SLC1A6: variants seen among roughly 807,000 people sequenced by gnomAD.
SLC1A6 encodes the protein excitatory amino acid transporter 4.
A neutral mutation model predicts 42.1 loss-of-function variants in SLC1A6; 15 were observed. That is an observed-to-expected ratio of 0.36 (90% confidence interval 0.24 to 0.55). The LOEUF (loss-of-function observed/expected upper bound fraction) is 0.55. Among genes scored for constraint, SLC1A6 ranks in the 20% least tolerant of loss-of-function variants. The pLI, the probability that SLC1A6 is intolerant of heterozygous loss-of-function variation, is 0.88. For missense variants in SLC1A6, 542 were observed against 772.5 expected (o/e 0.70, Z 3.54); for synonymous variants, 317 against 319.7 (o/e 0.99, Z 0.09).
intron 1 of SLC1A6, among the ~76,000 whole-genome samples, chr19:15,008,275 T>G (rs1367206933): frequency 6.6e-6 from 1 of 151,210 alleles, no homozygotes; most frequent in Non-Finnish European, 1.5e-5. Context: ...ATATCAGGAG[T>G]TGGAGGCTGC....
chr19:14,952,711 C>T (rs890942364), intron 9 of SLC1A6, among the ~76,000 whole-genome samples: 4 of 152,030 alleles, frequency 2.6e-5, no homozygotes, highest in Non-Finnish European at 5.9e-5. Flanking sequence ...AGGTAAAGCC[C>T]CCATTGCTTG....
upstream of SLC1A6, chr19:14,979,956 T>C (rs1187103602): frequency 1.3e-5 from 2 of 151,926 alleles, no homozygotes; most frequent in Non-Finnish European, 1.5e-5. The surrounding 1 kb of genome is among the most constrained non-coding windows in gnomAD (Gnocchi z 4.2). Flanking sequence ...CTAAACCGCC[T>C]CCGGAGCCCT....
chr19:14,966,897 G>T (rs1040922236), intron 4 of SLC1A6, among the ~76,000 whole-genome samples: 2 of 152,072 alleles, frequency 1.3e-5, no homozygotes, highest in Admixed American at 6.6e-5. Flanking sequence ...GGCAAAGGGA[G>T]GGGGAGCATT....
intron 5 of SLC1A6, chr19:14,963,862 G>A (rs1315109767): frequency 6.6e-6 from 1 of 150,444 alleles, no homozygotes; most frequent in Non-Finnish European, 1.5e-5. Context: ...TTGATATGGG[G>A]TCTTGCTCTG....
chr19:15,004,773 C>T (rs2045888230), intron 1 of SLC1A6, among the ~76,000 whole-genome samples: 1 of 152,026 alleles, frequency 6.6e-6, no homozygotes, highest in Admixed American at 6.6e-5. Context: ...AGGTGCATAC[C>T]TTGCTTTCAT....
intron 6 of SLC1A6, among the ~76,000 whole-genome samples, chr19:14,957,607 C>A (rs535097343): frequency 6.6e-6 from 1 of 152,168 alleles, no homozygotes; most frequent in Admixed American, 6.5e-5. Flanking sequence ...CAGAGCTGTG[C>A]GAAATACATT....
At chr19:14,992,874 C>A (rs762477578) in intron 1 of SLC1A6, among the ~76,000 whole-genome samples, 1 of 152,020 alleles carries the variant, frequency 6.6e-6, no homozygotes, top group African/African-American at 2.4e-5. Flanking sequence ...AGTCTGAGAC[C>A]GAGGAATTGA....
At chr19:14,951,799 T>G (rs527398721) in intron 9 of SLC1A6, among the ~76,000 whole-genome samples, 51 of 148,864 alleles carry the variant, frequency 3.4e-4, no homozygotes, top group African/African-American at 1.2e-3. Context: ...ATTACAGGCG[T>G]GAGCCACCAC....
chr19:14,950,463 G>T, intron 9 of SLC1A6, 73 bp from the exon 10 acceptor site: 1 of 1,210,000 alleles, frequency 8.3e-7, no homozygotes, highest in Non-Finnish European at 1.2e-6. Flanking sequence ...TGCAGCAGAG[G>T]GGGGTCCCTG....
chr19:14,959,908 T>A (rs912376095), intron 6 of SLC1A6, among the ~76,000 whole-genome samples: 2 of 152,184 alleles, frequency 1.3e-5, no homozygotes, highest in African/African-American at 4.8e-5. Context: ...CAACATTTTT[T>A]AAATGTTCCT....
chr19:14,958,367 C>G (rs750514217), intron 6 of SLC1A6, among the ~76,000 whole-genome samples: 1 of 150,982 alleles, frequency 6.6e-6, no homozygotes, highest in Non-Finnish European at 1.5e-5. Context: ...GCTGAGATCA[C>G]ATCACTGCAC....
rs139420764 is a variant in SLC1A6, at chr19:15,006,714, A to C, written c.6+3771T>G. ...CGAGGCAGGAGAATTACTTAAGGCC[A>C]GGAGACCAAGACCAGCCAGGGAAAG... On this transcript the variant is annotated intron_variant, in intron 1 of 8. Transcript: ENST00000430939. 1.4e-4 allele frequency among the ~76,000 whole-genome samples: 21 copies of C among 150,556 alleles called. No individual in the cohort carries two copies. In the East Asian group the frequency reaches 4.1e-3, roughly 29 times the overall value.
chr19:14,968,996 T>C (rs2145196059), intron 3 of SLC1A6, among the ~76,000 whole-genome samples: 1 of 152,102 alleles, frequency 6.6e-6, no homozygotes, highest in South Asian at 2.1e-4. Flanking sequence ...CCTGCCACCA[T>C]GCCCAGCTAA....
chr19:14,961,517 A>C (rs1244575706), intron 6 of SLC1A6: 1 of 155,900 alleles, frequency 6.4e-6, no homozygotes, highest in East Asian at 1.9e-4. Context: ...ACAAGTGAAC[A>C]AATCATTGCA....
rs75558438 is a variant in SLC1A6 at position 14,972,828 on chromosome 19, T to C, written c.83A>G (p.Glu28Gly). 1.9e-6 allele frequency: 3 copies of C among 1,607,938 alleles called. No individual in the cohort carries two copies. The highest frequency in any genetic ancestry group is 1.1e-5 in the South Asian group (1 of 90,424). Reference protein sequence around the residue: ...GRVGWLQRLQESLQQRALRTR... With the variant: ...GRVGWLQRLQGSLQQRALRTR... ...GCGCAGTGCTCTCTGCTGCAGGCTTTCCTGCAGCCGCTGCAGCCAGCCCAC... is the reference window on the plus strand; with the variant it reads ...GCGCAGTGCTCTCTGCTGCAGGCTTCCCTGCAGCCGCTGCAGCCAGCCCAC... The change falls in exon 2 of 10, where the codon GAA becomes GGA. Residue 28 changes from glutamate (E) to glycine (G), a missense_variant. Physicochemically the swap from Glu to Gly is moderately conservative, Grantham distance 98. Around this residue, in one of 6 missense-constraint regions of SLC1A6, gnomAD observed 88 missense variants for 85.5 expected, o/e 1.03. Coordinates refer to ENST00000594383, the MANE Select transcript of SLC1A6 (RefSeq NM_005071.3).
chr19:14,991,232 G>A (rs1339280534), intron 1 of SLC1A6, among the ~76,000 whole-genome samples: 2 of 152,124 alleles, frequency 1.3e-5, no homozygotes, highest in South Asian at 2.1e-4. Context: ...GAAATGATGA[G>A]TGATGCTAAA....
At chr19:14,954,371 G>A in intron 7 of SLC1A6, 42 bp from the exon 8 acceptor site, 1 of 1,572,586 alleles carries the variant, frequency 6.4e-7, no homozygotes, top group Non-Finnish European at 8.6e-7. Flanking sequence ...GCGTGGCCTG[G>A]TGGGGGCGGG....
chr19:14,983,776 C>T (rs567830789), upstream of SLC1A6, among the ~76,000 whole-genome samples: 4 of 142,204 alleles, frequency 2.8e-5, no homozygotes, highest in East Asian at 8.4e-4. Context: ...ACGTGCCTTA[C>T]AGAGACAATA....
chr19:15,000,898 A>T (rs2045869052), intron 1 of SLC1A6, among the ~76,000 whole-genome samples: 1 of 152,244 alleles, frequency 6.6e-6, no homozygotes, highest in East Asian at 1.9e-4. Context: ...GAGGACTCCA[A>T]CATATCTTTT....
Sources: allele counts gnomAD v4.1 joint callset (sites outside exome capture counted in the v4.1 genomes callset), GRCh38; gene constraint gnomAD v4.1.1; regional missense constraint gnomAD v4.1.1; non-coding constraint Gnocchi (gnomAD v3.1); transcripts MANE v1.5; gene names NCBI Gene and HGNC (gene_info 2026-07-23, HGNC 2026-07-21).